RNF213: variants seen among roughly 807,000 people sequenced by gnomAD.
RNF213 encodes E3 ubiquitin-protein ligase RNF213.
RNF213 carries 341 observed loss-of-function variants against 514.4 expected under a neutral mutation model. That is an observed-to-expected ratio of 0.66 (90% CI 0.61 to 0.73). The LOEUF is 0.73. Ranked by LOEUF, RNF213 falls within the 30% of genes least tolerant of loss-of-function variation. The pLI is 0.00. For synonymous variants in RNF213, 2,655 were observed against 2,658.2 expected, an observed-to-expected ratio of 1.00 and a Z score of 0.04; for missense variants, 5,767 against 6,615.6, an observed-to-expected ratio of 0.87 and a Z score of 4.45.
chr17:80,354,085 G>T lies in RNF213; in HGVS notation c.10645G>T (p.Asp3549Tyr). 1 of 1,614,072 alleles carries T rather than the reference G, an allele frequency of 6.2e-7. No individual in the cohort carries two copies. Among genetic ancestry groups the T allele is most frequent in the South Asian group, 1.1e-5 (1 of 91,078 alleles). ...CVQSAVGMLR[D>Y]QNESCTRNMR... ...GCAGAGCGCCGTGGGCATGCTCAGAGACCAGAACGAGAGCTGCACGCGCAA... is the reference window on the plus strand; with the variant it reads ...GCAGAGCGCCGTGGGCATGCTCAGATACCAGAACGAGAGCTGCACGCGCAA... The change falls in exon 35 of 68, where the codon GAC (aspartate) becomes TAC (tyrosine). Residue 3549 changes from aspartate (D) to tyrosine (Y), a missense_variant. Physicochemically the swap from Asp to Tyr is radical, Grantham distance 160. Coordinates refer to ENST00000582970, the MANE Select transcript of RNF213 (RefSeq NM_001256071.3).
intron 15 of RNF213, among the ~76,000 whole-genome samples, chr17:80,314,169 G>GTGGAGGTAC (rs2045731237): frequency 3.3e-5 from 4 of 121,512 alleles, no homozygotes; most frequent in African/African-American, 1.4e-4. Context: ...GTAGGTGATG[G>GTGGAGGTAC]TGGAGGTGAT....
rs778704140 is a variant in RNF213, at chr17:80,291,241, A to ATTCTTTCT, written c.1272-377_1272-370dup. On this transcript the variant is annotated intron_variant, in intron 7 of 67. Coordinates refer to ENST00000582970, the MANE Select transcript of RNF213 (RefSeq NM_001256071.3). ...CATGGACCTTTTTCTTTTTAAAAGTATTCTTTCTTTCTTTCTTATAATTTT... is the reference window on the plus strand; with the variant it reads ...CATGGACCTTTTTCTTTTTAAAAGTATTCTTTCTTTCTTTCTTTCTTTCTTATAATTTT... 2.0e-5 allele frequency among the ~76,000 whole-genome samples: 3 copies of ATTCTTTCT among 149,682 alleles called. No individual in the cohort carries two copies. In the South Asian group the frequency reaches 6.4e-4, roughly 32 times the overall value.
intron 59 of RNF213, among the ~76,000 whole-genome samples, chr17:80,384,203 C>T (rs1443149639): frequency 1.3e-5 from 2 of 152,216 alleles, no homozygotes; most frequent in Non-Finnish European, 2.9e-5. Context: ...AGGACCTCCC[C>T]TCATCACTCA....
Position 80,343,373 on chromosome 17 carries a change from GT to G in RNF213, c.6183+49del. On this transcript the variant is annotated intron_variant, in intron 27 of 67. Coordinates refer to ENST00000582970, the MANE Select transcript of RNF213 (RefSeq NM_001256071.3). This position sits in a 1 kb window ranked among gnomAD's most constrained non-coding sequence, Gnocchi z 4.3. ...CGATGGCCACATCAGTAAAGACGTG[GT>G]CCCCATGTCTCTGCGTGACTCCTCC... The G allele has an allele frequency of 6.6e-7, 1 of 1,515,298 alleles. No individual in the cohort carries two copies. The highest frequency in any genetic ancestry group is 1.2e-5 in the South Asian group (1 of 86,738). The allele number at this position is 1,515,298 out of a possible 1,614,324, so 93.9% of individuals were successfully genotyped here. A position where few individuals can be genotyped will look rare whatever the true frequency, so the allele number is the denominator to read the frequency against.
rs2046430635 is a variant in RNF213 at position 80,332,060 on chromosome 17, T to A, written c.3572T>A (p.Leu1191Ter). Residue 1191 changes from leucine to a stop codon, truncating the protein, a stop_gained, in exon 21 of 68, where the codon TTA (leucine) becomes TAA (stop). Coordinates refer to ENST00000582970, the MANE Select transcript of RNF213 (RefSeq NM_001256071.3). LOFTEE classifies it high-confidence loss of function. The stretch of plus-strand genomic sequence containing the variant: ...TCACAAGACCTCAGCAGTAAAAGAT[T>A]AAATGACACCGTGACAGTGAGACTG... ...RHSQDLSSKRLNDTVTVRLST... is the reference protein window; with the variant it reads ...RHSQDLSSKR 1 of 1,537,166 alleles carries A rather than the reference T, an allele frequency of 6.5e-7. No individual in the cohort carries two copies. The highest frequency in any genetic ancestry group is 2.4e-5 in the East Asian group (1 of 40,918).
Position 80,386,176 on chromosome 17 carries a change from C to T in RNF213, c.14540-74C>T, listed in dbSNP as rs141254099. Reference sequence around the variant, plus strand: ...TGTGTGGAGCTGATGGCTTCTGCATCCCTCCTCCCCACGCCTAGATTCTGT... The same window carrying T: ...TGTGTGGAGCTGATGGCTTCTGCATTCCTCCTCCCCACGCCTAGATTCTGT... On this transcript the variant is annotated intron_variant, in intron 61 of 67. Transcript: ENST00000582970. 430 of 1,449,646 alleles carry T rather than the reference C, an allele frequency of 3.0e-4. 1 individual carries two copies. The African/African-American group carries it at 5.6e-3, about 19-fold the overall frequency. The allele number at this position is 1,449,646 out of a possible 1,614,324, so 89.8% of individuals were successfully genotyped here.
chr17:80,277,444 A>G (rs1007386599), intron 3 of RNF213, among the ~76,000 whole-genome samples: 2 of 152,012 alleles, frequency 1.3e-5, no homozygotes, highest in South Asian at 2.1e-4. Flanking sequence ...CTAAAAATAC[A>G]AAAAGTAGCC....
intron 67 of RNF213, among the ~76,000 whole-genome samples, chr17:80,392,750 T>G (rs2144682921): frequency 6.6e-6 from 1 of 152,146 alleles, no homozygotes; most frequent in South Asian, 2.1e-4. Context: ...CCGCCATGCC[T>G]GGCTAATTTT....
In RNF213 at chr17:80,295,665, A is replaced by G. The variant is rs750445299; in HGVS notation, c.1864A>G (p.Thr622Ala). 1.2e-6 allele frequency: 2 copies of G among 1,614,140 alleles called. No individual in the cohort carries two copies. Among genetic ancestry groups the G allele is most frequent in the Non-Finnish European group, 1.7e-6 (2 of 1,180,006 alleles). Residue 622 changes from threonine to alanine, a missense_variant, in exon 10 of 68, where the codon ACA (threonine) becomes GCA (alanine). Physicochemically the swap from Thr to Ala is moderately conservative, Grantham distance 58. Transcript: ENST00000582970. Reference protein sequence around the residue: ...VDCPVRSKLKTGLIVLFVVEK... With the variant: ...VDCPVRSKLKAGLIVLFVVEK... ...CTGCCCAGTGAGGAGTAAACTGAAA[A>G]CAGGCCTGATTGTCCTTTTTGTAGT...
At position 80,369,647 on chromosome 17, in the gene RNF213, G is replaced by A. The variant is rs747211204; in HGVS notation, c.12301G>A (p.Gly4101Arg). The part of the protein sequence containing the change: ...SLLSLLFVQK[G>R]RLRDAAQRHC... Reference sequence around the variant, plus strand: ...GCTCTCTCTCCTCTTCGTCCAAAAGGGGCGCTTAAGAGATGCTGCCCAGAG... The same window carrying A: ...GCTCTCTCTCCTCTTCGTCCAAAAGAGGCGCTTAAGAGATGCTGCCCAGAG... Residue 4101 changes from glycine (G) to arginine (R), a missense_variant, in exon 45 of 68, where the codon GGG (glycine) becomes AGG (arginine). This residue lies in a region of RNF213 where 93 missense variants were observed against 95.6 expected (regional missense o/e 0.97). Coordinates refer to ENST00000582970, the MANE Select transcript of RNF213 (RefSeq NM_001256071.3). 3 of 1,614,076 alleles carry A rather than the reference G, an allele frequency of 1.9e-6. No homozygotes were observed. In the East Asian group the frequency reaches 6.7e-5, roughly 36 times the overall value.
intron 3 of RNF213, among the ~76,000 whole-genome samples, chr17:80,273,851 C>T (rs932747138): frequency 1.3e-5 from 2 of 151,936 alleles, no homozygotes; most frequent in Non-Finnish European, 2.9e-5. Context: ...AACTCCTGAC[C>T]TCAGGAGATC....
At chr17:80,390,228 GAC>G (rs779103175) in intron 67 of RNF213, 32 bp downstream of exon 67, 6 of 1,606,558 alleles carry the variant, frequency 3.7e-6, no homozygotes, top group Middle Eastern at 3.6e-4. Context: ...GGGCGGGGCA[GAC>G]ACAATGTTGT....
chr17:80,334,288 G>A lies in RNF213; in HGVS notation c.4309+18G>A, dbSNP rs1196449038. 6 of 1,526,440 alleles carry A rather than the reference G, an allele frequency of 3.9e-6. No homozygotes were observed. In the East Asian group the frequency reaches 1.5e-4, roughly 37 times the overall value. The allele number at this position is 1,526,440 out of a possible 1,614,324, so 94.6% of individuals were successfully genotyped here. ...TCTTGGAGGTAAAATCAGCCTTTGGGGTTGCGTGGAAGTGTGGAGAAAGTT... is the reference window on the plus strand; with the variant it reads ...TCTTGGAGGTAAAATCAGCCTTTGGAGTTGCGTGGAAGTGTGGAGAAAGTT... On this transcript the variant is annotated intron_variant, in intron 22 of 67. Transcript: ENST00000582970.
chr17:80,378,776 G>C (rs79073011), intron 54 of RNF213, among the ~76,000 whole-genome samples: 1 of 152,168 alleles, frequency 6.6e-6, no homozygotes, highest in African/African-American at 2.4e-5. Context: ...TTCTGTAACT[G>C]GTTTGGTGTG....
At chr17:80,329,472 G>A (rs895486780) in intron 20 of RNF213, among the ~76,000 whole-genome samples, 16 of 152,282 alleles carry the variant, frequency 1.1e-4, no homozygotes, top group African/African-American at 3.6e-4. Flanking sequence ...TCTCTTTCTT[G>A]AAGCTCTTGA....
At chr17:80,282,506 C>G (rs1044156947) in intron 3 of RNF213, among the ~76,000 whole-genome samples, 4 of 151,914 alleles carry the variant, frequency 2.6e-5, no homozygotes, top group Non-Finnish European at 4.4e-5. Context: ...TCACGCCATT[C>G]TCCTGCCTCA....
At chr17:80,374,783 G>A (rs185195273) in intron 50 of RNF213, 194 bp downstream of exon 50, 5 of 622,398 alleles carry the variant, frequency 8.0e-6, no homozygotes, top group Non-Finnish European at 2.9e-6. Flanking sequence ...GGCTGGAACA[G>A]GACAGCTATG....
Position 80,288,903 on chromosome 17 carries a change from C to A in RNF213, c.933+148C>A. ...TCTGGCCTTCGGGGTGCTCACATTC[C>A]AGCGGAGAGAGAGTCAGGAAACCGA... On this transcript the variant is annotated intron_variant, in intron 5 of 67. Transcript: ENST00000582970. The surrounding 1 kb of genome is among the most constrained non-coding windows in gnomAD (Gnocchi z 4.9). The A allele has an allele frequency of 7.1e-7, 1 of 1,403,030 alleles. No individual in the cohort carries two copies. The highest frequency in any genetic ancestry group is 9.8e-7 in the Non-Finnish European group (1 of 1,020,298). 86.9% of individuals were successfully genotyped at this position (1,403,030 alleles called of 1,614,324 possible).
intron 6 of RNF213, 135 bp from the exon 7 acceptor site, chr17:80,290,435 G>A (rs2044668007): frequency 1.9e-6 from 2 of 1,044,796 alleles, no homozygotes; most frequent in South Asian, 2.6e-5. Flanking sequence ...GTGTGCGCGT[G>A]TGTGCATGTG....
Sources: allele counts gnomAD v4.1 joint callset (sites outside exome capture counted in the v4.1 genomes callset), GRCh38; gene constraint gnomAD v4.1.1; regional missense constraint gnomAD v4.1.1; non-coding constraint Gnocchi (gnomAD v3.1); transcripts MANE v1.5; gene names NCBI Gene and HGNC (gene_info 2026-07-23, HGNC 2026-07-21).